Variants in PACRG observed in about 807,000 individuals in gnomAD.
The protein encoded by PACRG is parkin coregulated.
In PACRG, 29 loss-of-function variants were observed where a neutral mutation model predicts 29.7. The ratio of observed to expected loss-of-function variants is 0.98; its 90% CI spans 0.73 to 1.33. The LOEUF (loss-of-function observed/expected upper bound fraction) is 1.33. Ranked by LOEUF, PACRG falls within the 40% of genes most tolerant of loss-of-function variation. The pLI is 0.00. For synonymous variants in PACRG, 116 were observed against 118.7 expected (o/e 0.98, Z 0.15); for missense variants, 279 against 316.2 (o/e 0.88, Z 0.89).
At chr6:162,994,347 G>T (rs28884872) in intron 2 of PACRG, among the ~76,000 whole-genome samples, 12,215 of 148,336 alleles carry the variant, frequency 0.082, 1,485 homozygotes, top group African/African-American at 0.27. Context: ...TTTCCAACTT[G>T]GTTCCATTCT....
intron 2 of PACRG, among the ~76,000 whole-genome samples, chr6:162,970,840 G>T (rs138242551): frequency 9.8e-6 from 1 of 101,892 alleles, no homozygotes; most frequent in Non-Finnish European, 2.2e-5. Context: ...TACTGGCATT[G>T]CCCCTGTCAC....
chr6:163,135,247 G>C (rs1214715444), intron 4 of PACRG, among the ~76,000 whole-genome samples: 1 of 151,176 alleles, frequency 6.6e-6, no homozygotes, highest in Admixed American at 6.6e-5. Context: ...GGAGTACAGT[G>C]GCACAATCTC....
rs561393494 is a variant in PACRG, at chr6:163,169,255, G to A, written c.613+79847G>A. ...CGTGTATTATGATAAAGTAAACTAC[G>A]GTTCATGGAGTCACATTTGATGTTC... On this transcript the variant is annotated intron_variant, in intron 4 of 4. Transcript: ENST00000366888. Among the ~76,000 whole-genome samples, 4 of 152,268 alleles carry A rather than the reference G, an allele frequency of 2.6e-5. No individual in the cohort carries two copies. In the East Asian group the frequency reaches 5.8e-4, roughly 22 times the overall value.
intron 1 of PACRG, among the ~76,000 whole-genome samples, chr6:162,800,425 T>C (rs1043611976): frequency 1.3e-5 from 2 of 152,210 alleles, no homozygotes; most frequent in African/African-American, 2.4e-5. Flanking sequence ...ATAGAGACAT[T>C]TTTGAAATGA....
intron 4 of PACRG, among the ~76,000 whole-genome samples, chr6:163,204,804 C>A (rs1464706225): frequency 1.3e-5 from 2 of 152,186 alleles, no homozygotes. Flanking sequence ...CAATATGATT[C>A]TATACCTACA....
intron 4 of PACRG, among the ~76,000 whole-genome samples, chr6:163,111,296 C>T (rs542681588): frequency 5.9e-5 from 9 of 152,244 alleles, no homozygotes; most frequent in Non-Finnish European, 7.4e-5. Context: ...CCCTTGTAAA[C>T]GCTGGCAAAA....
chr6:163,224,015 T>C (rs1233590674), intron 4 of PACRG, among the ~76,000 whole-genome samples: 2 of 151,996 alleles, frequency 1.3e-5, no homozygotes, highest in Non-Finnish European at 2.9e-5. Flanking sequence ...AGGAAAACTA[T>C]CCTAACATGT....
intron 2 of PACRG, among the ~76,000 whole-genome samples, chr6:162,988,988 C>T (rs1432457077): frequency 6.6e-6 from 1 of 152,060 alleles, no homozygotes; most frequent in African/African-American, 2.4e-5. Flanking sequence ...TTTCTCTAAG[C>T]ATGTATTAGT....
intron 4 of PACRG, among the ~76,000 whole-genome samples, chr6:163,199,070 A>C (rs1405093219): frequency 6.6e-6 from 1 of 152,214 alleles, no homozygotes; most frequent in African/African-American, 2.4e-5. Flanking sequence ...CACTTTGACT[A>C]GAATGGGAGG....
At chr6:163,121,387 T>C (rs1816258843) in intron 4 of PACRG, among the ~76,000 whole-genome samples, 1 of 152,210 alleles carries the variant, frequency 6.6e-6, no homozygotes, top group South Asian at 2.1e-4. Context: ...CAAATTAGTC[T>C]GTCACTTCTA....
intron 4 of PACRG, among the ~76,000 whole-genome samples, chr6:163,122,286 T>TACACACACAC (rs57013650): frequency 0.048 from 7,182 of 151,034 alleles, 388 homozygotes; most frequent in East Asian, 0.27. Flanking sequence ...TTAACGCATT[T>TACACACACAC]ACACACACAC....
chr6:162,888,915 AAG>A (rs1471865860), intron 2 of PACRG, among the ~76,000 whole-genome samples: 1 of 152,198 alleles, frequency 6.6e-6, no homozygotes, highest in Non-Finnish European at 1.5e-5. Context: ...TTCACAAGGA[AAG>A]AGAGCATAGG....
chr6:163,043,935 C>T (rs944836384), intron 2 of PACRG, among the ~76,000 whole-genome samples: 1 of 151,954 alleles, frequency 6.6e-6, no homozygotes, highest in African/African-American at 2.4e-5. Flanking sequence ...TCAGAAGTGG[C>T]GAGGCACATT....
At chr6:163,290,323 C>G (rs9458778) in intron 4 of PACRG, among the ~76,000 whole-genome samples, 93,944 of 148,706 alleles carry the variant, frequency 0.63, 30,799 homozygotes, top group African/African-American at 0.81. Flanking sequence ...CACACACACA[C>G]AGCAATCACT....
At chr6:162,785,606 T>C (rs1352653855) in intron 1 of PACRG, among the ~76,000 whole-genome samples, 1 of 152,096 alleles carries the variant, frequency 6.6e-6, no homozygotes, top group African/African-American at 2.4e-5. Context: ...GAGGATGGCT[T>C]CAGGATGAAA....
intron 4 of PACRG, among the ~76,000 whole-genome samples, chr6:163,109,657 T>A (rs1306011477): frequency 6.6e-6 from 1 of 152,250 alleles, no homozygotes; most frequent in Middle Eastern, 3.2e-3. Flanking sequence ...CCTCAATGCT[T>A]TGAAGTCTCA....
chr6:163,159,108 A>G (rs775890720), intron 4 of PACRG, among the ~76,000 whole-genome samples: 4 of 152,130 alleles, frequency 2.6e-5, no homozygotes, highest in Admixed American at 6.5e-5. Flanking sequence ...CAGGCAACTT[A>G]GAGAACTTCT....
intron 4 of PACRG, among the ~76,000 whole-genome samples, chr6:163,113,478 C>T (rs2128320640): frequency 6.6e-6 from 1 of 152,222 alleles, no homozygotes; most frequent in South Asian, 2.1e-4. Context: ...AAAAGACAAG[C>T]AATCTTGAAA....
chr6:163,044,342 A>AT (rs1809090984), intron 2 of PACRG, among the ~76,000 whole-genome samples: 1 of 151,844 alleles, frequency 6.6e-6, no homozygotes, highest in Non-Finnish European at 1.5e-5. Context: ...TGATTTTTAA[A>AT]TTTTTTTGTA....
Sources: allele counts gnomAD v4.1 joint callset (sites outside exome capture counted in the v4.1 genomes callset), GRCh38; gene constraint gnomAD v4.1.1; transcripts MANE v1.5; gene names NCBI Gene and HGNC (gene_info 2026-07-23, HGNC 2026-07-21).